The following DOCK1 variants were observed in gnomAD, a reference collection of about 807,000 sequenced individuals.
DOCK1 encodes dedicator of cytokinesis 1.
In DOCK1, 138 loss-of-function variants were observed where a neutral mutation model predicts 262.7. That is an observed-to-expected ratio of 0.53 (90% confidence interval 0.46 to 0.61). The LOEUF (loss-of-function observed/expected upper bound fraction) is 0.61, where lower values mean the gene tolerates loss of function less well. DOCK1 is among the 20% of genes least tolerant of loss of function. DOCK1 has a pLI of 0.00. For missense variants in DOCK1, 1,908 were observed against 2,370.7 expected (o/e 0.80, Z 4.05); for synonymous variants, 866 against 867.4 (o/e 1.00, Z 0.03).
intron 1 of DOCK1, among the ~76,000 whole-genome samples, chr10:126,958,755 T>A (rs1205649362): frequency 2.6e-5 from 4 of 152,176 alleles, no homozygotes; most frequent in African/African-American, 9.7e-5. Flanking sequence ...CGCTGCTTAG[T>A]TCTTGCTGTT....
At chr10:126,913,458 C>T (rs768021941) in intron 1 of DOCK1, among the ~76,000 whole-genome samples, 4 of 152,222 alleles carry the variant, frequency 2.6e-5, no homozygotes, top group Admixed American at 1.3e-4. Flanking sequence ...CCACAGCCCA[C>T]GAGGCTGGCT....
intron 27 of DOCK1, among the ~76,000 whole-genome samples, chr10:127,158,144 A>C (rs369142491): frequency 3.9e-5 from 6 of 152,224 alleles, no homozygotes; most frequent in African/African-American, 1.2e-4. Flanking sequence ...GATGAAACAG[A>C]TAAGTTATTT....
At chr10:127,319,249 A>G (rs556116611) in intron 29 of DOCK1, among the ~76,000 whole-genome samples, 2 of 152,354 alleles carry the variant, frequency 1.3e-5, no homozygotes, top group African/African-American at 4.8e-5. Flanking sequence ...TAGCTTCACT[A>G]TAAAATTGAT....
At chr10:126,996,576 A>T (rs1387427355) in intron 6 of DOCK1, among the ~76,000 whole-genome samples, 172 bp from the exon 7 acceptor site, 2 of 148,710 alleles carry the variant, frequency 1.3e-5, no homozygotes, top group Admixed American at 6.8e-5. Context: ...CCAAGATGAC[A>T]CATTTTAAGC....
intron 3 of DOCK1, among the ~76,000 whole-genome samples, chr10:126,978,928 A>G (rs1308151190): frequency 6.6e-6 from 1 of 152,104 alleles, no homozygotes; most frequent in Non-Finnish European, 1.5e-5. Flanking sequence ...AGAATGGGTC[A>G]TCCTCTCGCA....
chr10:127,429,111 T>C (rs1459668255), intron 47 of DOCK1, among the ~76,000 whole-genome samples: 1 of 151,956 alleles, frequency 6.6e-6, no homozygotes, highest in Non-Finnish European at 1.5e-5. Context: ...TGGGATGCTG[T>C]GTGTCCTTGG....
At chr10:127,123,592 C>T (rs1053613566) in intron 25 of DOCK1, among the ~76,000 whole-genome samples, 7 of 152,100 alleles carry the variant, frequency 4.6e-5, no homozygotes, top group African/African-American at 1.7e-4. Flanking sequence ...TTGTAAACAT[C>T]GAGGTTCTAT....
At chr10:126,957,390 G>A (rs1054868545) in intron 1 of DOCK1, among the ~76,000 whole-genome samples, 3 of 152,100 alleles carry the variant, frequency 2.0e-5, no homozygotes, top group Admixed American at 6.5e-5. Flanking sequence ...AAGTGCAAAC[G>A]CCTCCCATCA....
intron 26 of DOCK1, 141 bp downstream of exon 26, chr10:127,125,742 C>G: frequency 8.3e-7 from 1 of 1,201,686 alleles, no homozygotes; most frequent in Non-Finnish European, 1.1e-6. Flanking sequence ...GAGTTGCACC[C>G]TTAAATTATT....
chr10:127,148,255 G>A (rs975055449), intron 27 of DOCK1, among the ~76,000 whole-genome samples: 3 of 152,158 alleles, frequency 2.0e-5, no homozygotes, highest in African/African-American at 7.2e-5. Context: ...GCCACTTTGT[G>A]TGGTGGCTGT....
intron 40 of DOCK1, among the ~76,000 whole-genome samples, chr10:127,406,422 C>T (rs2067518820): frequency 6.6e-6 from 1 of 152,206 alleles, no homozygotes; most frequent in South Asian, 2.1e-4. Flanking sequence ...TTAACAGGCT[C>T]GATTAATATT....
chr10:127,244,746 T>G (rs1456647539), intron 27 of DOCK1, among the ~76,000 whole-genome samples: 1 of 152,160 alleles, frequency 6.6e-6, no homozygotes, highest in Non-Finnish European at 1.5e-5. Context: ...AAGGAATATG[T>G]CTTATTTTTA....
intron 29 of DOCK1, among the ~76,000 whole-genome samples, chr10:127,302,739 GGGGTGTGTGTGTGTGTGTGTGTGT>G (rs1278769512): frequency 4.0e-5 from 5 of 124,538 alleles, no homozygotes; most frequent in African/African-American, 5.9e-5. Context: ...TGGAAAAGAG[GGGGTGTGTGTGTGTGTGTGTGTGT>G]GTGTGTGTGT....
intron 27 of DOCK1, among the ~76,000 whole-genome samples, chr10:127,180,548 C>T (rs982448743): frequency 6.6e-6 from 1 of 152,104 alleles, no homozygotes; most frequent in Non-Finnish European, 1.5e-5. Flanking sequence ...TCTTAATTAC[C>T]CTCAAATTAA....
intron 44 of DOCK1, 80 bp downstream of exon 44, chr10:127,415,318 G>A (rs2068091371): frequency 1.4e-6 from 2 of 1,426,048 alleles, no homozygotes; most frequent in East Asian, 4.7e-5. Flanking sequence ...ACCTGCTCAT[G>A]CCCCGTGGTC....
intron 1 of DOCK1, among the ~76,000 whole-genome samples, chr10:126,967,930 C>G (rs1456297284): frequency 6.6e-6 from 1 of 152,160 alleles, no homozygotes; most frequent in Non-Finnish European, 1.5e-5. Context: ...TCTCTTGCCT[C>G]AGCCTCCCGA....
chr10:127,128,336 A>ATT lies in DOCK1; in HGVS notation c.2847+585_2847+586dup, dbSNP rs59508487. Among the ~76,000 whole-genome samples the ATT allele has an allele frequency of 5.5e-3, 752 of 137,364 alleles. 3 individuals are homozygous for ATT. Among genetic ancestry groups the ATT allele is most frequent in the African/African-American group, 0.011 (393 of 36,162 alleles). 90.1% of individuals were successfully genotyped at this position (137,364 alleles called of 152,430 possible). A position where few individuals can be genotyped will look rare whatever the true frequency, so the allele number is the denominator to read the frequency against. On this transcript the variant is annotated intron_variant, in intron 27 of 51. Transcript: ENST00000623213. Reference sequence around the variant, plus strand: ...AAAATGCATGAGTAGATCTCGTTTAATTTTTTTTTTTTTTGAGGTTCAAGG... The same window carrying ATT: ...AAAATGCATGAGTAGATCTCGTTTAATTTTTTTTTTTTTTTTGAGGTTCAAGG...
chr10:127,367,731 C>T (rs2065000479), intron 33 of DOCK1, among the ~76,000 whole-genome samples: 1 of 152,166 alleles, frequency 6.6e-6, no homozygotes, highest in South Asian at 2.1e-4. Context: ...CCATAGAGCT[C>T]CGGTCCGTTG....
chr10:127,205,261 C>CT (rs1313563541), intron 27 of DOCK1, among the ~76,000 whole-genome samples: 1 of 152,082 alleles, frequency 6.6e-6, no homozygotes, highest in African/African-American at 2.4e-5. Flanking sequence ...TGGCTCTTTC[C>CT]TTTTTGGTCC....
Sources: allele counts gnomAD v4.1 joint callset (sites outside exome capture counted in the v4.1 genomes callset), GRCh38; gene constraint gnomAD v4.1.1; transcripts MANE v1.5; gene names NCBI Gene and HGNC (gene_info 2026-07-23, HGNC 2026-07-21).